PPT1: variants seen among roughly 807,000 people sequenced by gnomAD.
PPT1 encodes palmitoyl-protein thioesterase 1.
PPT1 carries 24 observed loss-of-function variants against 44.0 expected under a neutral mutation model. The ratio of observed to expected loss-of-function variants is 0.54; its 90% CI spans 0.39 to 0.77. PPT1 has a LOEUF of 0.77. Among genes scored for constraint, PPT1 ranks in the 30% least tolerant of loss-of-function variants. PPT1 has a pLI of 0.00. For synonymous variants in PPT1, 148 were observed against 140.2 expected (o/e 1.06, Z -0.39); for missense variants, 341 against 378.8 (o/e 0.90, Z 0.83).
chr1:40,097,152 C>T lies in PPT1; in HGVS notation c.87G>A (p.Pro29=), dbSNP rs1299595782. 2.5e-6 allele frequency: 4 copies of T among 1,614,020 alleles called. No individual in the cohort carries two copies. The highest frequency in any genetic ancestry group is 1.1e-5 in the South Asian group (1 of 91,082). The change falls in exon 1 of 9, where the codon CCG becomes CCA. Residue 29 remains proline (P), a synonymous_variant. Coordinates refer to ENST00000642050, the MANE Select transcript of PPT1 (RefSeq NM_000310.4). ...CASRALQHLD[P]PAPLPLVIWH... Reference sequence around the variant, plus strand: ...AGATCACCAACGGCAGCGGCGCCGGCGGGTCCAGATGCTGCAGCGCCCGAG... The same window carrying T: ...AGATCACCAACGGCAGCGGCGCCGGTGGGTCCAGATGCTGCAGCGCCCGAG...
chr1:40,083,436 G>A (rs930493908), intron 5 of PPT1, among the ~76,000 whole-genome samples: 1 of 152,120 alleles, frequency 6.6e-6, no homozygotes, highest in African/African-American at 2.4e-5. Context: ...GTCTGGGCAA[G>A]AGAGCACAAC....
rs777420177 is a variant in PPT1 at position 40,092,523 on chromosome 1, CAAT to C, written c.125-19_125-17del. Reference sequence around the variant, plus strand: ...CAGCTGTCTCCTAGCCAACAAAACACAATGATGGAAACTCATGAGTCCAAATAT... The same window carrying C: ...CAGCTGTCTCCTAGCCAACAAAACACGATGGAAACTCATGAGTCCAAATAT... On this transcript the variant is annotated splice_polypyrimidine_tract_variant and intron_variant, in intron 1 of 8. Transcript: ENST00000642050. 3 of 1,566,480 alleles carry C rather than the reference CAAT, an allele frequency of 1.9e-6. No individual in the cohort carries two copies. Among genetic ancestry groups the C allele is most frequent in the Non-Finnish European group, 2.6e-6 (3 of 1,136,944 alleles).
intron 3 of PPT1, among the ~76,000 whole-genome samples, chr1:40,091,626 G>T (rs1649567786): frequency 6.6e-6 from 1 of 152,166 alleles, no homozygotes; most frequent in Non-Finnish European, 1.5e-5. Context: ...CACTTTGGGA[G>T]GCTGAGGTGG....
downstream of PPT1, chr1:40,072,192 G>C (rs1648164734): frequency 1.5e-5 from 6 of 395,208 alleles, no homozygotes; most frequent in Admixed American, 4.4e-5. Context: ...ATGGAGTCTT[G>C]GACCCTTTCT....
chr1:40,071,751 A>C (rs554642288), downstream of PPT1: 13 of 558,344 alleles, frequency 2.3e-5, no homozygotes, highest in Admixed American at 1.7e-4. Flanking sequence ...CAGCTTTTCC[A>C]TATCAGCTCA....
chr1:40,092,343 T>C (rs1649611643), intron 2 of PPT1, 55 bp downstream of exon 2: 5 of 1,521,164 alleles, frequency 3.3e-6, no homozygotes, highest in Non-Finnish European at 4.6e-6. Flanking sequence ...TTTAACAGTA[T>C]ATGCTATGAA....
intron 5 of PPT1, 113 bp downstream of exon 5, chr1:40,089,297 A>AAAAAAAAAAAAAAATATG: frequency 1.6e-6 from 1 of 616,450 alleles, no homozygotes; most frequent in East Asian, 3.6e-5. Flanking sequence ...AAAAAAAAAG[A>AAAAAAAAAAAAAAATATG]TCTCATTTGA....
At chr1:40,074,306 G>T in intron 8 of PPT1, 123 bp from the exon 9 acceptor site, 1 of 1,260,232 alleles carries the variant, frequency 7.9e-7, no homozygotes, top group African/African-American at 1.5e-5. Context: ...AAATTGAGGT[G>T]TATTTTCAAA....
intron 1 of PPT1, among the ~76,000 whole-genome samples, chr1:40,096,377 T>C (rs531730819): frequency 6.6e-6 from 1 of 152,198 alleles, no homozygotes; most frequent in Admixed American, 6.5e-5. Flanking sequence ...CAGCACCTAG[T>C]AGGTGCTCAA....
chr1:40,087,863 T>C (rs148390715), intron 5 of PPT1, among the ~76,000 whole-genome samples: 37 of 151,440 alleles, frequency 2.4e-4, no homozygotes, highest in African/African-American at 8.2e-4. Context: ...GTACAGAGTA[T>C]CTTAGTTTTC....
chr1:40,088,367 G>A (rs527504720), intron 5 of PPT1, among the ~76,000 whole-genome samples: 102 of 152,122 alleles, frequency 6.7e-4, no homozygotes, highest in Non-Finnish European at 1.2e-3. Context: ...GGCTGGTCTT[G>A]AACTCTTGAC....
In PPT1 at chr1:40,092,122, C is replaced by T. The variant is rs777865799; in HGVS notation, c.285G>A (p.Val95=). The T allele has an allele frequency of 6.2e-7, 1 of 1,614,084 alleles. No individual in the cohort carries two copies. The highest frequency in any genetic ancestry group is 1.7e-5 in the Admixed American group (1 of 60,024). ...FLNVNSQVTT[V]CQALAKDPKL... is the part of the protein sequence containing the mutation. ...TAGGATCCTTAGCAAGTGCCTGACACACTGTTGTTACTTGGGAATTGACAT... is the reference window on the plus strand; with the variant it reads ...TAGGATCCTTAGCAAGTGCCTGACATACTGTTGTTACTTGGGAATTGACAT... Residue 95 remains valine (V), a synonymous_variant, in exon 3 of 9, where the codon GTG becomes GTA. Coordinates refer to ENST00000642050, the MANE Select transcript of PPT1 (RefSeq NM_000310.4).
At chr1:40,091,549 C>A in intron 3 of PPT1, 150 bp from the exon 4 acceptor site, 1 of 760,166 alleles carries the variant, frequency 1.3e-6, no homozygotes, top group South Asian at 1.5e-5. Flanking sequence ...GCAAATATTT[C>A]TTTCAACTTT....
chr1:40,078,755 AC>A, intron 6 of PPT1, 97 bp from the exon 7 acceptor site: 1 of 1,022,188 alleles, frequency 9.8e-7, no homozygotes, highest in Non-Finnish European at 1.5e-6. Context: ...ACCCTGTGCC[AC>A]TGTGTTTCTT....
At chr1:40,095,797 A>G (rs1266510638) in intron 1 of PPT1, among the ~76,000 whole-genome samples, 6 of 152,282 alleles carry the variant, frequency 3.9e-5, no homozygotes, top group Non-Finnish European at 8.8e-5. Flanking sequence ...TCTCCCTGTG[A>G]CCATCCATGA....
At chr1:40,090,410 CTA>C (rs1191106916) in intron 4 of PPT1, among the ~76,000 whole-genome samples, 2 of 147,974 alleles carry the variant, frequency 1.4e-5, no homozygotes, top group African/African-American at 5.0e-5. Flanking sequence ...CTATATATGT[CTA>C]TGTATGTGTG....
At chr1:40,090,225 C>T (rs981656464) in intron 4 of PPT1, among the ~76,000 whole-genome samples, 2 of 152,116 alleles carry the variant, frequency 1.3e-5, no homozygotes, top group African/African-American at 4.8e-5. Flanking sequence ...TTACAGCACA[C>T]CACAGTGTCT....
intron 4 of PPT1, 54 bp from the exon 5 acceptor site, chr1:40,089,566 C>A: frequency 7.9e-7 from 1 of 1,273,482 alleles, no homozygotes; most frequent in Non-Finnish European, 1.1e-6. Flanking sequence ...TATCGAATAC[C>A]CACTATGCAC....
chr1:40,094,438 G>GT (rs1649738579), intron 1 of PPT1, among the ~76,000 whole-genome samples: 1 of 42,262 alleles, frequency 2.4e-5, no homozygotes, highest in Non-Finnish European at 7.0e-5. Context: ...CCTGCTGTGT[G>GT]GCTAGTTCCT....
Sources: gnomAD v4.1 joint callset for allele counts (sites outside exome capture counted in the v4.1 genomes callset) on GRCh38, gnomAD v4.1.1 for gene constraint, MANE v1.5 for transcripts, NCBI Gene and HGNC (gene_info 2026-07-23, HGNC 2026-07-21) for gene names.